THSD7A: variants seen among roughly 807,000 people sequenced by gnomAD.
THSD7A encodes the protein thrombospondin type 1 domain containing 7A.
A neutral mutation model predicts 231.3 loss-of-function variants in THSD7A; 96 were observed. The observed-to-expected ratio is 0.41, with a 90% CI of 0.35 to 0.49. THSD7A has a LOEUF of 0.49. THSD7A is among the 20% of genes least tolerant of loss of function. The pLI is 0.05. For synonymous variants in THSD7A, 940 were observed against 743.3 expected, an observed-to-expected ratio of 1.26 and a Z score of -4.30; for missense variants, 2,290 against 2,070.2, an observed-to-expected ratio of 1.11 and a Z score of -2.06.
At chr7:11,734,919 A>G (rs569531875) in intron 1 of THSD7A, among the ~76,000 whole-genome samples, 1 of 151,870 alleles carries the variant, frequency 6.6e-6, no homozygotes, top group Non-Finnish European at 1.5e-5. Flanking sequence ...CAACGAATTT[A>G]TTGCTTAGAG....
At chr7:11,494,475 C>G (rs1227877821) in intron 6 of THSD7A, among the ~76,000 whole-genome samples, 1 of 152,086 alleles carries the variant, frequency 6.6e-6, no homozygotes, top group East Asian at 1.9e-4. Context: ...GTAAAATAAT[C>G]TAACATTCTT....
chr7:11,387,434 C>G (rs566768426), intron 23 of THSD7A, among the ~76,000 whole-genome samples: 41 of 152,012 alleles, frequency 2.7e-4, no homozygotes, highest in African/African-American at 9.6e-4. Context: ...TCACATCCCT[C>G]GTAGGTTGTA....
chr7:11,667,163 G>A (rs911126759), intron 1 of THSD7A, among the ~76,000 whole-genome samples: 6 of 151,998 alleles, frequency 3.9e-5, no homozygotes, highest in African/African-American at 1.4e-4. Flanking sequence ...CACCTGAGCA[G>A]TGTACACTAT....
chr7:11,740,503 T>C (rs1031167020), intron 1 of THSD7A, among the ~76,000 whole-genome samples: 5 of 152,052 alleles, frequency 3.3e-5, no homozygotes, highest in South Asian at 4.1e-4. Flanking sequence ...TCTCCAGCTG[T>C]GGTGGTCTTT....
intron 4 of THSD7A, among the ~76,000 whole-genome samples, chr7:11,562,906 G>T (rs376127894): frequency 1.2e-4 from 18 of 152,150 alleles, no homozygotes; most frequent in East Asian, 9.6e-4. Context: ...GTGTGTGGTA[G>T]TAATTTCAGG....
At chr7:11,402,770 G>A (rs1421714334) in intron 22 of THSD7A, among the ~76,000 whole-genome samples, 2 of 152,096 alleles carry the variant, frequency 1.3e-5, no homozygotes, top group African/African-American at 4.8e-5. Context: ...TTATGTTTGT[G>A]AAATCCATCA....
intron 1 of THSD7A, among the ~76,000 whole-genome samples, chr7:11,758,924 G>C (rs1782768948): frequency 6.6e-6 from 1 of 152,074 alleles, no homozygotes; most frequent in East Asian, 1.9e-4. Context: ...ATGAAAGCAG[G>C]CAGCAGGCTG....
chr7:11,663,033 G>C (rs766580939), intron 1 of THSD7A, among the ~76,000 whole-genome samples: 22 of 150,840 alleles, frequency 1.5e-4, no homozygotes, highest in Non-Finnish European at 2.4e-4. Context: ...TGAAGCCAAA[G>C]AAAATAGAAA....
At chr7:11,428,336 TAGAAC>T (rs1784382884) in intron 14 of THSD7A, among the ~76,000 whole-genome samples, 1 of 152,142 alleles carries the variant, frequency 6.6e-6, no homozygotes, top group Non-Finnish European at 1.5e-5. Flanking sequence ...TTATCTCTAA[TAGAAC>T]AGAACGACAA....
intron 13 of THSD7A, among the ~76,000 whole-genome samples, chr7:11,436,444 T>G (rs1206710770): frequency 6.6e-6 from 1 of 152,196 alleles, no homozygotes; most frequent in Admixed American, 6.6e-5. Context: ...GAAAAACTGC[T>G]GCATGAAACT....
chr7:11,796,396 C>G (rs985474543), intron 1 of THSD7A, among the ~76,000 whole-genome samples: 3 of 151,448 alleles, frequency 2.0e-5, no homozygotes, highest in Non-Finnish European at 4.4e-5. Flanking sequence ...ACATAAACTT[C>G]AAAATAATTT....
At chr7:11,638,621 A>T (rs1341829899) in intron 1 of THSD7A, among the ~76,000 whole-genome samples, 1 of 152,168 alleles carries the variant, frequency 6.6e-6, no homozygotes, top group Non-Finnish European at 1.5e-5. Context: ...GCATACCCGT[A>T]TCATTCCTTT....
rs186442449 is a variant in THSD7A, at chr7:11,832,062, T to C, written c.-116A>G. On this transcript the variant is annotated 5_prime_UTR_variant, in exon 1 of 28. Transcript: ENST00000423059. ...AAAGCAAAGCTCTTTCCTGCTATTG[T>C]TCGCTTCAGATGAGAAGGAGGGAGA... 2.0e-5 allele frequency: 14 copies of C among 688,418 alleles called. No homozygotes were observed. The East Asian group carries it at 5.3e-4, about 26-fold the overall frequency. 42.6% of individuals were successfully genotyped at this position (688,418 alleles called of 1,614,324 possible). A position where few individuals can be genotyped will look rare whatever the true frequency, so the allele number is the denominator to read the frequency against.
At chr7:11,729,252 T>C (rs1418276673) in intron 1 of THSD7A, among the ~76,000 whole-genome samples, 1 of 151,740 alleles carries the variant, frequency 6.6e-6, no homozygotes, top group African/African-American at 2.4e-5. Context: ...AAAACATCAT[T>C]TGAGCTAGTA....
intron 4 of THSD7A, among the ~76,000 whole-genome samples, chr7:11,551,843 G>A (rs1789641368): frequency 1.3e-5 from 2 of 152,024 alleles, no homozygotes; most frequent in Admixed American, 6.6e-5. Flanking sequence ...CTACTACTGG[G>A]TATATACCCA....
At position 11,377,577 on chromosome 7, in the gene THSD7A, A is replaced by G. The variant is rs1170342726; in HGVS notation, c.4802-920T>C. 6.6e-6 allele frequency among the ~76,000 whole-genome samples: 1 copy of G among 152,104 alleles called. No individual in the cohort carries two copies. Among genetic ancestry groups the G allele is most frequent in the Non-Finnish European group, 1.5e-5 (1 of 67,992 alleles). On this transcript the variant is annotated intron_variant, in intron 26 of 27. Coordinates refer to ENST00000423059, the MANE Select transcript of THSD7A (RefSeq NM_015204.3). This position sits in a 1 kb window ranked among gnomAD's most constrained non-coding sequence, Gnocchi z 4.5. Reference sequence around the variant, plus strand: ...GTGGAATTTTTTTGCCCGGAGTTAGATCAAGTTAGAGGTTCATTTGCTGGG... The same window carrying G: ...GTGGAATTTTTTTGCCCGGAGTTAGGTCAAGTTAGAGGTTCATTTGCTGGG...
chr7:11,615,062 C>T (rs577111156), intron 2 of THSD7A, among the ~76,000 whole-genome samples: 4 of 152,312 alleles, frequency 2.6e-5, no homozygotes, highest in Admixed American at 6.5e-5. Flanking sequence ...CTATTTCAAT[C>T]TCCTTGGAGC....
At chr7:11,779,205 T>A (rs957710186) in intron 1 of THSD7A, among the ~76,000 whole-genome samples, 23 of 152,304 alleles carry the variant, frequency 1.5e-4, no homozygotes, top group African/African-American at 5.5e-4. Flanking sequence ...ATTTACTTCA[T>A]CAATTCTATA....
At chr7:11,821,006 A>G (rs1284578374) in intron 1 of THSD7A, 8 of 1,010,384 alleles carry the variant, frequency 7.9e-6, no homozygotes, top group Non-Finnish European at 1.1e-5. Flanking sequence ...ATTTTCCCTC[A>G]GCCTTGTAGC....
Sources: allele counts gnomAD v4.1 joint callset (sites outside exome capture counted in the v4.1 genomes callset), GRCh38; gene constraint gnomAD v4.1.1; non-coding constraint Gnocchi (gnomAD v3.1); transcripts MANE v1.5; gene names NCBI Gene and HGNC (gene_info 2026-07-23, HGNC 2026-07-21).